Variants in PREX2 observed in about 807,000 individuals in gnomAD.
PREX2 encodes phosphatidylinositol-3,4,5-trisphosphate dependent Rac exchange factor 2.
Under a neutral mutation model 203.2 loss-of-function variants are expected in PREX2, and 107 were observed. That is an observed-to-expected ratio of 0.53 (90% CI 0.45 to 0.62). The LOEUF is 0.62. PREX2 is among the 20% of genes least tolerant of loss of function. PREX2 has a pLI of 0.00. For missense variants in PREX2, 1,777 were observed against 1,955.9 expected (o/e 0.91, Z 1.72); for synonymous variants, 672 against 663.6 (o/e 1.01, Z -0.19).
At chr8:68,083,669 G>A (rs186539934) in intron 18 of PREX2, among the ~76,000 whole-genome samples, 1 of 152,256 alleles carries the variant, frequency 6.6e-6, no homozygotes, top group Non-Finnish European at 1.5e-5. Context: ...TACTATGAGT[G>A]AAGAAAACTA....
intron 37 of PREX2, among the ~76,000 whole-genome samples, chr8:68,196,731 C>T (rs111716893): frequency 3.0e-4 from 45 of 151,250 alleles, no homozygotes; most frequent in South Asian, 6.3e-4. Flanking sequence ...ACCTCCCCCC[C>T]CCAACTCTCT....
In PREX2 at chr8:67,952,357, CA is replaced by C. The variant is rs1264042401; in HGVS notation, c.-37del. 1 of 1,484,770 alleles carries C rather than the reference CA, an allele frequency of 6.7e-7. No homozygotes were observed. Among genetic ancestry groups the C allele is most frequent in the East Asian group, 2.8e-5 (1 of 35,330 alleles). 92.0% of individuals were successfully genotyped at this position (1,484,770 alleles called of 1,614,324 possible). On this transcript the variant is annotated 5_prime_UTR_variant, in exon 1 of 40. Coordinates refer to ENST00000288368, the MANE Select transcript of PREX2 (RefSeq NM_024870.4). ...AGCGGGCGCGCGGGTCAGCGCTCAG[CA>C]CGGCGGGCAGCGCCGCGCTGCGCAC...
At chr8:68,065,032 C>A (rs1808975381) in intron 11 of PREX2, among the ~76,000 whole-genome samples, 1 of 152,080 alleles carries the variant, frequency 6.6e-6, no homozygotes, top group African/African-American at 2.4e-5. Flanking sequence ...ACTAGAGGAC[C>A]CGAACTGTAG....
At chr8:67,978,499 A>C (rs1432719295) in intron 1 of PREX2, among the ~76,000 whole-genome samples, 1 of 152,118 alleles carries the variant, frequency 6.6e-6, no homozygotes, top group East Asian at 1.9e-4. Flanking sequence ...CTTTTCACTT[A>C]CTATGTTTGT....
chr8:68,159,358 A>G (rs533283751), intron 35 of PREX2, among the ~76,000 whole-genome samples: 1 of 152,320 alleles, frequency 6.6e-6, no homozygotes, highest in South Asian at 2.1e-4. Flanking sequence ...TTGCCTACTT[A>G]TTTGCATAAA....
chr8:67,967,716 A>G (rs1017844624), intron 1 of PREX2, among the ~76,000 whole-genome samples: 2 of 152,230 alleles, frequency 1.3e-5, no homozygotes, highest in African/African-American at 4.8e-5. Flanking sequence ...CCCAGACGTG[A>G]GTTAAAAGCT....
At chr8:67,980,100 A>C (rs1179923602) in intron 1 of PREX2, among the ~76,000 whole-genome samples, 13 of 152,216 alleles carry the variant, frequency 8.5e-5, no homozygotes, top group African/African-American at 2.9e-4. Context: ...GAGGTGAAAA[A>C]GTTTTTCTAT....
chr8:68,188,304 CA>C (rs1241489112), intron 35 of PREX2, among the ~76,000 whole-genome samples: 1 of 151,994 alleles, frequency 6.6e-6, no homozygotes, highest in African/African-American at 2.4e-5. Context: ...GGAGCTATAT[CA>C]AAAAAACTAA....
chr8:67,961,497 G>T (rs919719246), intron 1 of PREX2, among the ~76,000 whole-genome samples: 1 of 151,974 alleles, frequency 6.6e-6, no homozygotes, highest in Non-Finnish European at 1.5e-5. Flanking sequence ...TTATAACATT[G>T]TAGTTGCCTC....
At chr8:68,178,912 C>T (rs1812033532) in intron 35 of PREX2, among the ~76,000 whole-genome samples, 2 of 152,060 alleles carry the variant, frequency 1.3e-5, no homozygotes, top group Admixed American at 1.3e-4. Flanking sequence ...TTTTATTTCT[C>T]TAATTTAGTT....
intron 25 of PREX2, among the ~76,000 whole-genome samples, chr8:68,109,831 C>G (rs1227166422): frequency 1.3e-5 from 2 of 151,954 alleles, no homozygotes; most frequent in Admixed American, 1.3e-4. Flanking sequence ...GCATTTAATA[C>G]TAGGGAAGAG....
Position 68,108,062 on chromosome 8 carries a change from T to G in PREX2, c.2716-47T>G, listed in dbSNP as rs529307366. On this transcript the variant is annotated intron_variant, in intron 23 of 39. Coordinates refer to ENST00000288368, the MANE Select transcript of PREX2 (RefSeq NM_024870.4). ...TGCAAGTGAAAAAAAGATGCCTGAGTTATTACTGTGTGTTCAACTGCTTTT... is the reference window on the plus strand; with the variant it reads ...TGCAAGTGAAAAAAAGATGCCTGAGGTATTACTGTGTGTTCAACTGCTTTT... The G allele has an allele frequency of 3.1e-6, 4 of 1,307,986 alleles. No individual in the cohort carries two copies. The East Asian group carries it at 9.4e-5, about 31-fold the overall frequency. The allele number at this position is 1,307,986 out of a possible 1,614,324, so 81.0% of individuals were successfully genotyped here.
At chr8:68,178,130 G>A (rs1052005985) in intron 35 of PREX2, among the ~76,000 whole-genome samples, 4 of 152,042 alleles carry the variant, frequency 2.6e-5, no homozygotes, top group South Asian at 4.2e-4. Flanking sequence ...AATACCTTTG[G>A]GTGTATACCC....
chr8:67,952,801 A>G (rs1805391923), intron 1 of PREX2: 1 of 558,252 alleles, frequency 1.8e-6, no homozygotes, highest in Non-Finnish European at 3.2e-6. Flanking sequence ...AGAGAGCTCC[A>G]GTCCAGGGAA....
intron 6 of PREX2, among the ~76,000 whole-genome samples, chr8:68,033,717 C>T (rs551760982): frequency 1.3e-5 from 2 of 152,252 alleles, no homozygotes; most frequent in African/African-American, 4.8e-5. Flanking sequence ...TTCAACTAAT[C>T]TTGCTTGGGT....
chr8:67,965,698 A>G (rs1805751811), intron 1 of PREX2, among the ~76,000 whole-genome samples: 1 of 152,072 alleles, frequency 6.6e-6, no homozygotes, highest in Non-Finnish European at 1.5e-5. Context: ...TGTTTGCCAG[A>G]CCTACTTTGT....
intron 1 of PREX2, among the ~76,000 whole-genome samples, chr8:68,002,669 T>C (rs1200526740): frequency 1.3e-5 from 2 of 152,190 alleles, no homozygotes; most frequent in Non-Finnish European, 2.9e-5. Flanking sequence ...CTTAATCATT[T>C]TTTTTTTCAG....
chr8:68,072,493 A>G lies in PREX2; in HGVS notation c.1494-2A>G. 6.5e-7 allele frequency: 1 copy of G among 1,536,312 alleles called. No homozygotes were observed. Among genetic ancestry groups the G allele is most frequent in the Non-Finnish European group, 9.0e-7 (1 of 1,113,958 alleles). On this transcript the variant is annotated splice_acceptor_variant, in intron 13 of 39. Transcript: ENST00000288368. LOFTEE classifies it high-confidence loss of function. ...TGTTTGTTTTTATTTTTTCCTTTATAGAGATAAAGATTACCATTTAAGGAC... is the reference window on the plus strand; with the variant it reads ...TGTTTGTTTTTATTTTTTCCTTTATGGAGATAAAGATTACCATTTAAGGAC...
intron 39 of PREX2, among the ~76,000 whole-genome samples, chr8:68,226,275 T>C (rs1813055355): frequency 6.6e-6 from 1 of 152,308 alleles, no homozygotes; most frequent in African/African-American, 2.4e-5. Context: ...GAAATAGCCC[T>C]GGCCTTCACA....
Sources: allele counts gnomAD v4.1 joint callset (sites outside exome capture counted in the v4.1 genomes callset), GRCh38; gene constraint gnomAD v4.1.1; transcripts MANE v1.5; gene names NCBI Gene and HGNC (gene_info 2026-07-23, HGNC 2026-07-21).